Variants in KLHL21 observed in about 807,000 individuals in gnomAD.
KLHL21 encodes the protein kelch like family member 21.
KLHL21 carries 42 observed loss-of-function variants against 44.1 expected under a neutral mutation model. The ratio of observed to expected loss-of-function variants is 0.95; its 90% CI spans 0.74 to 1.23. The LOEUF is 1.23. Among genes scored for constraint, KLHL21 ranks in the 50% most tolerant of loss-of-function variants. The pLI, the probability that KLHL21 is intolerant of heterozygous loss-of-function variation, is 0.00. For missense variants in KLHL21, 918 were observed against 889.1 expected (o/e 1.03, Z -0.41); for synonymous variants, 524 against 411.6 (o/e 1.27, Z -3.31).
chr1:6,595,817 G>A (rs543432717), intron 2 of KLHL21, among the ~76,000 whole-genome samples: 1 of 152,306 alleles, frequency 6.6e-6, no homozygotes, highest in East Asian at 1.9e-4. Flanking sequence ...TTGAGTACTT[G>A]AAGCCCATTC....
chr1:6,591,361 T>C lies in KLHL21; in HGVS notation c.*2004A>G, dbSNP rs1323095672. ...CTGAGTGGCCGACACAAGCCTGGAG[T>C]ACGGCAGCTGCCAACCACAGCAAAG... On this transcript the variant is annotated 3_prime_UTR_variant, in exon 4 of 4. Transcript: ENST00000377658. 1 of 227,094 alleles carries C rather than the reference T, an allele frequency of 4.4e-6. No homozygotes were observed. The highest frequency in any genetic ancestry group is 8.5e-6 in the Non-Finnish European group (1 of 117,826). 14.1% of individuals were successfully genotyped at this position (227,094 alleles called of 1,614,324 possible).
At chr1:6,596,463 AC>A (rs1313292317) in intron 2 of KLHL21, among the ~76,000 whole-genome samples, 1 of 152,248 alleles carries the variant, frequency 6.6e-6, no homozygotes, top group Non-Finnish European at 1.5e-5. Context: ...CAAAGATACT[AC>A]AAGACAAACA....
intron 2 of KLHL21, among the ~76,000 whole-genome samples, chr1:6,598,723 A>G (rs968917351): frequency 6.6e-6 from 1 of 151,810 alleles, no homozygotes; most frequent in African/African-American, 2.4e-5. Flanking sequence ...TCTACAAAAA[A>G]TACAAAAAAA....
At position 6,598,594 on chromosome 1, in the gene KLHL21, A is replaced by C. The variant is rs183200199; in HGVS notation, c.1427+453T>G. ...TTTAAAAAAACAAAACAAAACAAAA[A>C]AAAACAGACCGGGTGCAGTGGCTCA... On this transcript the variant is annotated intron_variant, in intron 2 of 3. Coordinates refer to ENST00000377658, the MANE Select transcript of KLHL21 (RefSeq NM_014851.4). Among the ~76,000 whole-genome samples, 659 of 151,996 alleles carry C rather than the reference A, an allele frequency of 4.3e-3. 2 individuals are homozygous for C. Among genetic ancestry groups the C allele is most frequent in the Non-Finnish European group, 6.7e-3 (455 of 67,946 alleles).
intron 1 of KLHL21, among the ~76,000 whole-genome samples, chr1:6,599,997 C>A (rs1050296672): frequency 1.3e-5 from 2 of 152,148 alleles, no homozygotes; most frequent in African/African-American, 4.8e-5. Flanking sequence ...TTAGAAAAAT[C>A]CACGAAGCTG....
In KLHL21 at chr1:6,591,206, A is replaced by G. The variant is rs1640844775; in HGVS notation, c.*2159T>C. On this transcript the variant is annotated 3_prime_UTR_variant, in exon 4 of 4. Transcript: ENST00000377658. Reference sequence around the variant, plus strand: ...CAGAGGCTGGTGCCTGGTTTTCCCCATACTTGGTCTTCTAAACCCAAAGAC... The same window carrying G: ...CAGAGGCTGGTGCCTGGTTTTCCCCGTACTTGGTCTTCTAAACCCAAAGAC... 1 of 389,260 alleles carries G rather than the reference A, an allele frequency of 2.6e-6. No homozygotes were observed. Among genetic ancestry groups the G allele is most frequent in the Non-Finnish European group, 4.5e-6 (1 of 220,554 alleles). The allele number at this position is 389,260 out of a possible 1,614,324, so 24.1% of individuals were successfully genotyped here. A position where few individuals can be genotyped will look rare whatever the true frequency, so the allele number is the denominator to read the frequency against.
In KLHL21 at chr1:6,602,221, G is replaced by C; in HGVS notation, c.597C>G (p.Tyr199Ter). 2 of 1,522,492 alleles carry C rather than the reference G, an allele frequency of 1.3e-6. No homozygotes were observed. The highest frequency in any genetic ancestry group is 2.5e-5 in the East Asian group (1 of 39,288). 94.3% of individuals were successfully genotyped at this position (1,522,492 alleles called of 1,614,324 possible). Residue 199 changes from tyrosine to a stop codon, truncating the protein, a stop_gained, in exon 1 of 4, where the codon TAC becomes TAG. Coordinates refer to ENST00000377658, the MANE Select transcript of KLHL21 (RefSeq NM_014851.4). LOFTEE classifies it high-confidence loss of function. The part of the protein sequence containing the change: ...GLCVPKEEAA[Y>*]QLALRWVRAD... The stretch of plus-strand genomic sequence containing the variant: ...CGCGGACCCAGCGCAGCGCCAGCTG[G>C]TAGGCGGCCTCCTCCTTGGGCACAC...
In KLHL21 at chr1:6,599,305, T is replaced by C. The variant is rs375759686; in HGVS notation, c.1169A>G (p.Asp390Gly). The change falls in exon 2 of 4, where the codon GAC becomes GGC. Residue 390 changes from aspartate (D) to glycine (G), a missense_variant. Transcript: ENST00000377658. ...LDGLLYVVAA[D>G]STERYDHTTD... ...GGTGTGGTCATAGCGCTCGGTGCTG[T>C]CGGCGGCCACCACGTACAGCAGTCC... 1.6e-5 allele frequency: 26 copies of C among 1,613,806 alleles called. No individual in the cohort carries two copies. Among genetic ancestry groups the C allele is most frequent in the Non-Finnish European group, 2.0e-5 (24 of 1,180,016 alleles).
At chr1:6,597,589 C>T (rs1640945408) in intron 2 of KLHL21, among the ~76,000 whole-genome samples, 1 of 152,312 alleles carries the variant, frequency 6.6e-6, no homozygotes, top group Admixed American at 6.5e-5. Flanking sequence ...ACTTGCGTGA[C>T]AAGCAACGCC....
rs184464420 is a variant in KLHL21 at position 6,598,989 on chromosome 1, A to C, written c.1427+58T>G. On this transcript the variant is annotated intron_variant, in intron 2 of 3. Transcript: ENST00000377658. ...GGAGAACAGCCATGATGTGTGCTTA[A>C]GACAGGGCCTGGTAAGAGACACCAA... 6.8e-4 allele frequency: 1,017 copies of C among 1,489,860 alleles called. No homozygotes were observed. Among genetic ancestry groups the C allele is most frequent in the Non-Finnish European group, 8.2e-4 (914 of 1,110,660 alleles). 92.3% of individuals were successfully genotyped at this position (1,489,860 alleles called of 1,614,324 possible). A position where few individuals can be genotyped will look rare whatever the true frequency, so the allele number is the denominator to read the frequency against.
intron 1 of KLHL21, among the ~76,000 whole-genome samples, chr1:6,601,530 C>T (rs1641017701): frequency 6.6e-6 from 1 of 152,246 alleles, no homozygotes; most frequent in South Asian, 2.1e-4. Flanking sequence ...GGGGAGGCAC[C>T]TCCTGGGCAC....
At chr1:6,598,091 G>C (rs541379559) in intron 2 of KLHL21, among the ~76,000 whole-genome samples, 1 of 152,188 alleles carries the variant, frequency 6.6e-6, no homozygotes, top group Non-Finnish European at 1.5e-5. Flanking sequence ...GAAAGCCTGG[G>C]GTTTTCCTTA....
chr1:6,593,917 C>A lies in KLHL21; in HGVS notation c.1501-259G>T, dbSNP rs538191475. ...CAGGCCTCCCCGTGTGCAGGTCGTG[C>A]CGAGCAGCGCTTCCTACGTTCTCTC... On this transcript the variant is annotated intron_variant, in intron 3 of 3. Transcript: ENST00000377658. 2.4e-6 allele frequency: 3 copies of A among 1,272,404 alleles called. No individual in the cohort carries two copies. In the African/African-American group the frequency reaches 4.4e-5, roughly 19 times the overall value. 78.8% of individuals were successfully genotyped at this position (1,272,404 alleles called of 1,614,324 possible).
chr1:6,590,894 C>T lies in KLHL21; in HGVS notation c.*2471G>A, dbSNP rs147980438. 11 of 398,560 alleles carry T rather than the reference C, an allele frequency of 2.8e-5. No homozygotes were observed. The highest frequency in any genetic ancestry group is 8.8e-5 in the Admixed American group (2 of 22,734). The allele number at this position is 398,560 out of a possible 1,614,324, so 24.7% of individuals were successfully genotyped here. ...GAGGGAGGGCGTCCTTTATTACATACGCGTCTCTGAAGTCATATAAATATA... is the reference window on the plus strand; with the variant it reads ...GAGGGAGGGCGTCCTTTATTACATATGCGTCTCTGAAGTCATATAAATATA... On this transcript the variant is annotated 3_prime_UTR_variant, in exon 4 of 4. Coordinates refer to ENST00000377658, the MANE Select transcript of KLHL21 (RefSeq NM_014851.4).
In KLHL21 at chr1:6,598,598, A is replaced by C. The variant is rs968863445; in HGVS notation, c.1427+449T>G. Among the ~76,000 whole-genome samples the C allele has an allele frequency of 1.3e-4, 20 of 151,940 alleles. No individual in the cohort carries two copies. The Middle Eastern group carries it at 0.021, about 156-fold the overall frequency. On this transcript the variant is annotated intron_variant, in intron 2 of 3. Transcript: ENST00000377658. The stretch of plus-strand genomic sequence containing the variant: ...AAAAAACAAAACAAAACAAAAAAAA[A>C]CAGACCGGGTGCAGTGGCTCACGCC...
intron 1 of KLHL21, 193 bp from the exon 2 acceptor site, chr1:6,599,645 C>T (rs1640987212): frequency 1.6e-6 from 1 of 614,866 alleles, no homozygotes; most frequent in Non-Finnish European, 2.8e-6. Context: ...TGACCACTGT[C>T]CAGCGAGATG....
Position 6,601,093 on chromosome 1 carries a change from AC to A in KLHL21, c.1021+703del, listed in dbSNP as rs376777858. Among the ~76,000 whole-genome samples the A allele has an allele frequency of 2.2e-4, 33 of 152,126 alleles. No individual in the cohort carries two copies. In the East Asian group the frequency reaches 5.4e-3, roughly 25 times the overall value. On this transcript the variant is annotated intron_variant, in intron 1 of 3. Coordinates refer to ENST00000377658, the MANE Select transcript of KLHL21 (RefSeq NM_014851.4). ...GCAGTCACAGAGACCGCCCTTCCTC[AC>A]CCCGACAAAGGAGGTAGCCTCGTGT...
At chr1:6,595,961 T>C (rs1283959039) in intron 2 of KLHL21, among the ~76,000 whole-genome samples, 1 of 152,170 alleles carries the variant, frequency 6.6e-6, no homozygotes, top group Non-Finnish European at 1.5e-5. Flanking sequence ...TCCTTGCCAC[T>C]GTCCCCAATA....
intron 2 of KLHL21, among the ~76,000 whole-genome samples, chr1:6,596,118 G>C (rs543153006): frequency 1.8e-4 from 27 of 152,368 alleles, no homozygotes; most frequent in African/African-American, 6.0e-4. Context: ...CAAAGATGCA[G>C]GCCAGGCACT....
Sources: gnomAD v4.1 joint callset for allele counts (sites outside exome capture counted in the v4.1 genomes callset) on GRCh38, gnomAD v4.1.1 for gene constraint, MANE v1.5 for transcripts, NCBI Gene and HGNC (gene_info 2026-07-23, HGNC 2026-07-21) for gene names.